DIP2C: variants seen among roughly 807,000 people sequenced by gnomAD.
The protein encoded by DIP2C is DIP2 acetate--CoA ligase C (putative).
In DIP2C, 33 loss-of-function variants were observed where a neutral mutation model predicts 192.4. The ratio of observed to expected loss-of-function variants is 0.17; its 90% CI spans 0.13 to 0.23. The LOEUF (loss-of-function observed/expected upper bound fraction) is 0.23. Ranked by LOEUF, DIP2C falls within the 10% of genes least tolerant of loss-of-function variation. The pLI is 1.00. For synonymous variants in DIP2C, 979 were observed against 864.1 expected (o/e 1.13, Z -2.33); for missense variants, 1,537 against 2,110.1 (o/e 0.73, Z 5.32).
chr10:367,992 C>T (rs1414806311), intron 18 of DIP2C, among the ~76,000 whole-genome samples: 16 of 22,796 alleles, frequency 7.0e-4, no homozygotes, highest in Non-Finnish European at 1.1e-3. Flanking sequence ...GGGAAGCCCG[C>T]GGTTGCTCTC....
At chr10:484,302 A>G (rs1369318613) in intron 2 of DIP2C, among the ~76,000 whole-genome samples, 1 of 152,154 alleles carries the variant, frequency 6.6e-6, no homozygotes, top group Non-Finnish European at 1.5e-5. Flanking sequence ...CTCTAAGAAC[A>G]TACTCTATGA....
chr10:596,180 C>G (rs987010561), intron 1 of DIP2C, among the ~76,000 whole-genome samples: 4 of 151,962 alleles, frequency 2.6e-5, no homozygotes, highest in African/African-American at 7.3e-5. Context: ...TAAAAGTAAC[C>G]TAAGTATTGA....
chr10:576,964 C>A (rs906571323), intron 1 of DIP2C, among the ~76,000 whole-genome samples: 1 of 152,094 alleles, frequency 6.6e-6, no homozygotes, highest in Admixed American at 6.6e-5. Flanking sequence ...TTGCCAAGGT[C>A]CACATTCCAT....
At chr10:300,855 G>C (rs537935353) in intron 32 of DIP2C, among the ~76,000 whole-genome samples, 2 of 152,284 alleles carry the variant, frequency 1.3e-5, no homozygotes, top group Admixed American at 1.3e-4. Context: ...GGCCCTGAGC[G>C]TGTGGAGAAA....
chr10:591,623 T>A (rs1236869190), intron 1 of DIP2C, among the ~76,000 whole-genome samples: 2 of 151,978 alleles, frequency 1.3e-5, no homozygotes, highest in Non-Finnish European at 2.9e-5. Context: ...GAGAATAAGA[T>A]CAAGCTGTTG....
At position 327,120 on chromosome 10, in the gene DIP2C, C is replaced by T; in HGVS notation, c.3810G>A (p.Arg1270=). The change falls in exon 31 of 37, where the codon AGG becomes AGA. Residue 1270 remains arginine (R), a synonymous_variant. Transcript: ENST00000280886. ...VRTCVVVAEE[R]PRIALTQSFS... Reference sequence around the variant, plus strand: ...ACGACTGTGTGAGTGCGATCCGAGGCCTCTCTTCCGCCACAACCACGCAGG... The same window carrying T: ...ACGACTGTGTGAGTGCGATCCGAGGTCTCTCTTCCGCCACAACCACGCAGG... The T allele has an allele frequency of 1.9e-6, 3 of 1,614,158 alleles. No individual in the cohort carries two copies. Among genetic ancestry groups the T allele is most frequent in the Non-Finnish European group, 2.5e-6 (3 of 1,180,032 alleles).
chr10:601,440 G>A (rs1343037249), intron 1 of DIP2C, among the ~76,000 whole-genome samples: 1 of 152,152 alleles, frequency 6.6e-6, no homozygotes, highest in Non-Finnish European at 1.5e-5. Flanking sequence ...GCTTTAAAAC[G>A]GCACTAGTTC....
intron 3 of DIP2C, among the ~76,000 whole-genome samples, chr10:454,068 G>A (rs1969080420): frequency 6.6e-6 from 1 of 152,236 alleles, no homozygotes; most frequent in African/African-American, 2.4e-5. Context: ...GGTGAATTTG[G>A]AGCTGAGAGG....
At chr10:522,559 C>T (rs1008691940) in intron 1 of DIP2C, among the ~76,000 whole-genome samples, 2 of 152,242 alleles carry the variant, frequency 1.3e-5, no homozygotes, top group African/African-American at 2.4e-5. Flanking sequence ...CACCAGCACG[C>T]GGCGGTGTCG....
At chr10:396,503 T>C (rs745658888) in intron 10 of DIP2C, among the ~76,000 whole-genome samples, 1 of 152,220 alleles carries the variant, frequency 6.6e-6, no homozygotes, top group Non-Finnish European at 1.5e-5. Flanking sequence ...TGTCTGGTTA[T>C]TGAACCATCA....
intron 1 of DIP2C, among the ~76,000 whole-genome samples, chr10:582,835 G>C (rs754866471): frequency 6.6e-6 from 1 of 152,174 alleles, no homozygotes; most frequent in Non-Finnish European, 1.5e-5. Flanking sequence ...ACAAAACCTG[G>C]AGGTTCTAAT....
chr10:393,778 C>CAAAAAAAAAAA (rs34390976), intron 10 of DIP2C, among the ~76,000 whole-genome samples: 12 of 65,150 alleles, frequency 1.8e-4, no homozygotes, highest in East Asian at 4.4e-4. Context: ...GACTCCGTCT[C>CAAAAAAAAAAA]AAAAAAAAAA....
At chr10:336,669 C>T (rs1314807065) in intron 29 of DIP2C, among the ~76,000 whole-genome samples, 1 of 152,216 alleles carries the variant, frequency 6.6e-6, no homozygotes, top group East Asian at 1.9e-4. Flanking sequence ...TGTAAAACAG[C>T]CTCAGTGGGT....
chr10:491,070 A>AT, intron 1 of DIP2C, among the ~76,000 whole-genome samples: 1 of 152,310 alleles, frequency 6.6e-6, no homozygotes, highest in African/African-American at 2.4e-5. Flanking sequence ...ACAGACAGAC[A>AT]CCCGGCCCTT....
intron 29 of DIP2C, among the ~76,000 whole-genome samples, chr10:339,206 G>C (rs1958024981): frequency 1.3e-5 from 2 of 152,132 alleles, no homozygotes; most frequent in Admixed American, 6.5e-5. Context: ...TTATGTATTA[G>C]TCATTGTGGA....
chr10:443,688 CT>C (rs34789178), intron 3 of DIP2C, among the ~76,000 whole-genome samples: 1 of 152,186 alleles, frequency 6.6e-6, no homozygotes, highest in South Asian at 2.1e-4. Flanking sequence ...AGGCTTTGGC[CT>C]TTTCTTATTT....
intron 1 of DIP2C, among the ~76,000 whole-genome samples, chr10:513,001 C>G (rs1846119586): frequency 6.7e-6 from 1 of 150,216 alleles, no homozygotes; most frequent in South Asian, 2.1e-4. Flanking sequence ...ATTTATACAT[C>G]TCACGCACAC....
intron 1 of DIP2C, among the ~76,000 whole-genome samples, chr10:678,092 C>T (rs1330839084): frequency 6.6e-6 from 1 of 152,240 alleles, no homozygotes; most frequent in Non-Finnish European, 1.5e-5. Flanking sequence ...GAGGTCGTGG[C>T]AGGGTGAGGT....
rs554010809 is a variant in DIP2C at position 543,799 on chromosome 10, C to T, written c.86-57269G>A. 2.0e-5 allele frequency among the ~76,000 whole-genome samples: 3 copies of T among 152,360 alleles called. No individual in the cohort carries two copies. In the East Asian group the frequency reaches 5.8e-4, roughly 29 times the overall value. On this transcript the variant is annotated intron_variant, in intron 1 of 36. Transcript: ENST00000280886. Reference sequence around the variant, plus strand: ...ATCCCCCATATTAAAGGGTACAATTCAGTCTTTTTAGCATATTCTCAAAGC... The same window carrying T: ...ATCCCCCATATTAAAGGGTACAATTTAGTCTTTTTAGCATATTCTCAAAGC...
Sources: gnomAD v4.1 joint callset for allele counts (sites outside exome capture counted in the v4.1 genomes callset) on GRCh38, gnomAD v4.1.1 for gene constraint, MANE v1.5 for transcripts, NCBI Gene and HGNC (gene_info 2026-07-23, HGNC 2026-07-21) for gene names.